Variants in PFKFB3 observed in about 807,000 individuals in gnomAD.
PFKFB3 encodes the protein 6-phosphofructo-2-kinase/fructose-2,6-bisphosphatase 3.
Under a neutral mutation model 68.0 loss-of-function variants are expected in PFKFB3, and 33 were observed. That is an observed-to-expected ratio of 0.49 (90% confidence interval 0.37 to 0.65). The LOEUF (loss-of-function observed/expected upper bound fraction) is 0.65, where lower values mean the gene tolerates loss of function less well. PFKFB3 is among the 30% of genes least tolerant of loss of function. PFKFB3 has a pLI of 0.00. For synonymous variants in PFKFB3, 315 were observed against 288.2 expected (o/e 1.09, Z -0.94); for missense variants, 586 against 712.2 (o/e 0.82, Z 2.02).
intron 14 of PFKFB3, among the ~76,000 whole-genome samples, chr10:6,232,619 G>C (rs896418429): frequency 6.6e-6 from 1 of 152,000 alleles, no homozygotes; most frequent in Non-Finnish European, 1.5e-5. Flanking sequence ...CGCAGCTCAC[G>C]GTCCTCCAGG....
intron 1 of PFKFB3, among the ~76,000 whole-genome samples, chr10:6,155,089 T>C (rs1456575277): frequency 6.6e-6 from 1 of 152,076 alleles, no homozygotes; most frequent in African/African-American, 2.4e-5. Context: ...ACTTGGACAA[T>C]GGGGGCTGAT....
Position 6,220,919 on chromosome 10 carries a change from C to CT in PFKFB3, c.831+55dup. The CT allele has an allele frequency of 2.1e-6, 3 of 1,454,950 alleles. No homozygotes were observed. Among genetic ancestry groups the CT allele is most frequent in the Non-Finnish European group, 2.9e-6 (3 of 1,046,008 alleles). 90.1% of individuals were successfully genotyped at this position (1,454,950 alleles called of 1,614,324 possible). The stretch of plus-strand genomic sequence containing the variant: ...TCTGGCTGTAGGGCGGTTGCAGGGT[C>CT]TATAGGGTGGGTGGGGAGCTGTGTG... On this transcript the variant is annotated intron_variant, in intron 8 of 14. Transcript: ENST00000379775. This position sits in a 1 kb window ranked among gnomAD's most constrained non-coding sequence, Gnocchi z 4.1.
rs1420296118 is a variant in PFKFB3 at position 6,177,420 on chromosome 10, TCTTC to T, written c.16+32411_16+32414del. 4.2e-3 allele frequency among the ~76,000 whole-genome samples: 568 copies of T among 134,876 alleles called. 10 individuals are homozygous for T. Among genetic ancestry groups the T allele is most frequent in the East Asian group, 0.013 (49 of 3,786 alleles). The allele number at this position is 134,876 out of a possible 152,430, so 88.5% of individuals were successfully genotyped here. On this transcript the variant is annotated intron_variant, in intron 1 of 14. Transcript: ENST00000379789. ...TCTTTCTTTCTTTCTTCTTTCTCTTTCTTCCTTTCTTTTCTTTCTCTTTCTTTCT... is the reference window on the plus strand; with the variant it reads ...TCTTTCTTTCTTTCTTCTTTCTCTTTCTTTCTTTTCTTTCTCTTTCTTTCT...
intron 1 of PFKFB3, among the ~76,000 whole-genome samples, chr10:6,190,854 G>C (rs1843003771): frequency 1.3e-5 from 2 of 152,110 alleles, no homozygotes. Flanking sequence ...TCTTGGCTCA[G>C]TGCAACCTCC....
intron 4 of PFKFB3, 40 bp downstream of exon 4, chr10:6,216,231 A>G (rs2131952947): frequency 1.9e-6 from 3 of 1,576,860 alleles, no homozygotes; most frequent in Non-Finnish European, 1.7e-6. Context: ...GTCCAGTCCC[A>G]CCCATGAGGG....
chr10:6,161,348 G>A (rs112843220), intron 1 of PFKFB3, among the ~76,000 whole-genome samples: 1 of 152,070 alleles, frequency 6.6e-6, no homozygotes, highest in Non-Finnish European at 1.5e-5. Context: ...AGCAATATGA[G>A]GATCCCATTT....
At chr10:6,147,412 T>G (rs1841428320) in intron 1 of PFKFB3, among the ~76,000 whole-genome samples, 1 of 152,150 alleles carries the variant, frequency 6.6e-6, no homozygotes, top group African/African-American at 2.4e-5. Flanking sequence ...GTGGATTCCC[T>G]CCCCAGGCTG....
In PFKFB3 at chr10:6,216,134, C is replaced by T. The variant is rs542439439; in HGVS notation, c.309C>T (p.Ala103=). 753 of 1,614,158 alleles carry T rather than the reference C, an allele frequency of 4.7e-4. 8 individuals are homozygous for T. In the South Asian group the frequency reaches 8.0e-3, roughly 17 times the overall value. ...GTCTTGTGCATTCCAGGCAATGTGC[C>T]TTAGCTGCCTTGAGAGATGTCAAAA... ...EEAMKVRKQC[A]LAALRDVKSY... Residue 103 remains alanine (A), a synonymous_variant, in exon 4 of 15, where the codon GCC becomes GCT. Coordinates refer to ENST00000379775, the MANE Select transcript of PFKFB3 (RefSeq NM_004566.4).
downstream of PFKFB3, among the ~76,000 whole-genome samples, chr10:6,255,839 G>T (rs1192863362): frequency 6.6e-6 from 1 of 152,202 alleles, no homozygotes; most frequent in Non-Finnish European, 1.5e-5. Flanking sequence ...CAGCCTCACC[G>T]TGTGCGGGAG....
intron 6 of PFKFB3, among the ~76,000 whole-genome samples, chr10:6,218,795 G>A (rs975166979): frequency 1.1e-4 from 16 of 152,124 alleles, no homozygotes; most frequent in African/African-American, 3.6e-4. Flanking sequence ...TTGGGCAACC[G>A]CCACACTCTA....
the PFKFB3 span, among the ~76,000 whole-genome samples, chr10:6,307,510 TTTCCTTCCTTCCTTCCTTCCTTCCTTCC>T: frequency 1.5e-4 from 18 of 116,342 alleles, no homozygotes; most frequent in East Asian, 5.1e-4. Flanking sequence ...TCCTTCTCTT[TTTCCTTCCTTCCTTCCTTCCTTCCTTCC>T]TTCCTTCCTT....
chr10:6,236,991 C>T (rs903760514), downstream of PFKFB3, among the ~76,000 whole-genome samples: 3 of 152,176 alleles, frequency 2.0e-5, no homozygotes, highest in Non-Finnish European at 2.9e-5. Flanking sequence ...TGCCTGGGCT[C>T]GGTTCCTTCC....
chr10:6,203,349 G>T lies in PFKFB3; in HGVS notation c.76+13G>T. On this transcript the variant is annotated intron_variant, in intron 1 of 14. Coordinates refer to ENST00000379775, the MANE Select transcript of PFKFB3 (RefSeq NM_004566.4). ...TCGTTGCCCAGATGTGAGTGCAGCT[G>T]CGCGGAGCCGGGTTGCAGGGCGGGC... 1 of 1,591,316 alleles carries T rather than the reference G, an allele frequency of 6.3e-7. No individual in the cohort carries two copies. Among genetic ancestry groups the T allele is most frequent in the East Asian group, 2.3e-5 (1 of 43,008 alleles).
the PFKFB3 span, among the ~76,000 whole-genome samples, chr10:6,317,178 G>A: frequency 6.6e-6 from 1 of 152,162 alleles, no homozygotes; most frequent in African/African-American, 2.4e-5. Context: ...CTCCCATGGG[G>A]GACGTGCTCT....
At chr10:6,242,974 C>A (rs1286015694) in intron 14 of PFKFB3, among the ~76,000 whole-genome samples, 2 of 152,182 alleles carry the variant, frequency 1.3e-5, no homozygotes, top group African/African-American at 4.8e-5. Flanking sequence ...TCCAGTGAGG[C>A]TTTTATAATA....
At chr10:6,156,615 T>A (rs939160968) in intron 1 of PFKFB3, among the ~76,000 whole-genome samples, 3 of 151,872 alleles carry the variant, frequency 2.0e-5, no homozygotes, top group Non-Finnish European at 4.4e-5. Flanking sequence ...TTTAAGTGAT[T>A]CTCCTGCCTC....
chr10:6,257,494 A>G (rs1027125886), downstream of PFKFB3, among the ~76,000 whole-genome samples: 5 of 152,192 alleles, frequency 3.3e-5, no homozygotes, highest in Admixed American at 2.0e-4. Context: ...TGACTTGACC[A>G]TGGTAGGGAC....
chr10:6,153,852 TAA>T (rs1020572720), intron 1 of PFKFB3, among the ~76,000 whole-genome samples: 2 of 142,610 alleles, frequency 1.4e-5, no homozygotes. Context: ...AGACTCCATC[TAA>T]AAAAAAAAAG....
Position 6,210,462 on chromosome 10 carries a change from G to A in PFKFB3, c.77-3161G>A, listed in dbSNP as rs568086945. ...TGCAAGCTCCGCCTCCCGGGTTCAC[G>A]CCATTCTCCTGCCTCAGCCTCCCGA... is the stretch of plus-strand genomic sequence containing the variant. On this transcript the variant is annotated intron_variant, in intron 1 of 14. Transcript: ENST00000379775. Among the ~76,000 whole-genome samples the A allele has an allele frequency of 7.6e-3, 849 of 111,698 alleles. 208 individuals are homozygous for A. Among genetic ancestry groups the A allele is most frequent in the Non-Finnish European group, 0.012 (574 of 46,492 alleles). The allele number at this position is 111,698 out of a possible 152,430, so 73.3% of individuals were successfully genotyped here. A position where few individuals can be genotyped will look rare whatever the true frequency, so the allele number is the denominator to read the frequency against.
Sources: allele counts gnomAD v4.1 joint callset (sites outside exome capture counted in the v4.1 genomes callset), GRCh38; gene constraint gnomAD v4.1.1; non-coding constraint Gnocchi (gnomAD v3.1); transcripts MANE v1.5; gene names NCBI Gene and HGNC (gene_info 2026-07-23, HGNC 2026-07-21).